The following PPP2R2B variants were observed in gnomAD, a reference collection of about 807,000 sequenced individuals.
The protein encoded by PPP2R2B is serine/threonine-protein phosphatase 2A 55 kDa regulatory subunit B beta isoform.
Under a neutral mutation model 46.0 loss-of-function variants are expected in PPP2R2B, and 5 were observed. The observed-to-expected ratio is 0.11, with a 90% CI of 0.06 to 0.23. The LOEUF (loss-of-function observed/expected upper bound fraction) is 0.23, where lower values mean the gene tolerates loss of function less well. Ranked by LOEUF, PPP2R2B falls within the 10% of genes least tolerant of loss-of-function variation. PPP2R2B has a pLI of 1.00. For synonymous variants in PPP2R2B, 215 were observed against 206.7 expected (o/e 1.04, Z -0.34); for missense variants, 367 against 575.0 (o/e 0.64, Z 3.70).
chr5:146,929,922 C>A (rs1420381316), intron 1 of PPP2R2B, among the ~76,000 whole-genome samples: 1 of 152,044 alleles, frequency 6.6e-6, no homozygotes, highest in East Asian at 1.9e-4. Flanking sequence ...AGTAAGAACT[C>A]CCACAATTTT....
intron 7 of PPP2R2B, among the ~76,000 whole-genome samples, chr5:146,620,785 G>A (rs1047091182): frequency 5.9e-5 from 9 of 152,030 alleles, no homozygotes; most frequent in African/African-American, 2.2e-4. Context: ...CTCATAATTT[G>A]TTCCCAACAG....
intron 2 of PPP2R2B, among the ~76,000 whole-genome samples, chr5:146,865,293 GACACACACACACACACACAC>G (rs36219835): frequency 6.9e-6 from 1 of 145,922 alleles, no homozygotes; most frequent in Non-Finnish European, 1.5e-5. Flanking sequence ...CTTTGTCTCT[GACACACACACACACACACAC>G]ACACACACAC....
intron 9 of PPP2R2B, 125 bp downstream of exon 9, chr5:146,592,846 G>T: frequency 2.4e-6 from 2 of 823,080 alleles, no homozygotes; most frequent in Non-Finnish European, 4.1e-6. Flanking sequence ...CCCACATTAT[G>T]CATTTCAGCC....
chr5:146,600,916 TC>T (rs1561758880), intron 7 of PPP2R2B, among the ~76,000 whole-genome samples: 1 of 152,124 alleles, frequency 6.6e-6, no homozygotes, highest in African/African-American at 2.4e-5. Context: ...GTTCTTTACC[TC>T]CCCCCAAAAA....
chr5:146,941,285 G>A (rs564622833), intron 1 of PPP2R2B, among the ~76,000 whole-genome samples: 10 of 152,176 alleles, frequency 6.6e-5, no homozygotes, highest in South Asian at 2.1e-4. Flanking sequence ...GTTGACCTTC[G>A]ATACTGAAAA....
At chr5:146,781,503 CTG>C (rs1247733343) in intron 2 of PPP2R2B, among the ~76,000 whole-genome samples, 1 of 151,604 alleles carries the variant, frequency 6.6e-6, no homozygotes, top group Non-Finnish European at 1.5e-5. Context: ...ATTTGAAAAA[CTG>C]TGGTGCTCAA....
intron 5 of PPP2R2B, among the ~76,000 whole-genome samples, chr5:146,670,511 A>ATTTAT (rs1457611120): frequency 6.6e-6 from 1 of 151,056 alleles, no homozygotes; most frequent in Non-Finnish European, 1.5e-5. Context: ...TTATTTATTT[A>ATTTAT]TTGAGACAGA....
chr5:146,911,956 G>T lies in PPP2R2B; in HGVS notation c.79+143709C>A, dbSNP rs974993077. ...AGAGTGTATATTCAGTTCCCTAAGAGGCCAGGTGCAGTGGCCCACGCCTGT... is the reference window on the plus strand; with the variant it reads ...AGAGTGTATATTCAGTTCCCTAAGATGCCAGGTGCAGTGGCCCACGCCTGT... On this transcript the variant is annotated intron_variant, in intron 1 of 8. Coordinates refer to the PPP2R2B transcript ENST00000336640. 5.9e-5 allele frequency among the ~76,000 whole-genome samples: 9 copies of T among 152,170 alleles called. No homozygotes were observed. The South Asian group carries it at 6.2e-4, about 10-fold the overall frequency.
intron 1 of PPP2R2B, among the ~76,000 whole-genome samples, chr5:146,896,435 C>A (rs773235732): frequency 1.3e-5 from 2 of 152,192 alleles, no homozygotes; most frequent in Non-Finnish European, 2.9e-5. Flanking sequence ...AATGATTCCA[C>A]TTACATTTCT....
intron 2 of PPP2R2B, among the ~76,000 whole-genome samples, chr5:147,061,125 G>T (rs181836297): frequency 1.2e-4 from 18 of 152,146 alleles, no homozygotes; most frequent in Admixed American, 5.9e-4. Flanking sequence ...TAAATGCCAG[G>T]CACTCTTCTA....
intron 7 of PPP2R2B, among the ~76,000 whole-genome samples, chr5:146,622,784 G>C (rs949220497): frequency 2.0e-5 from 3 of 152,180 alleles, no homozygotes; most frequent in Admixed American, 6.5e-5. Context: ...AGACACAAAA[G>C]TCATGGGGCA....
chr5:146,914,126 A>C (rs1319662488), intron 1 of PPP2R2B: 2 of 152,240 alleles, frequency 1.3e-5, no homozygotes, highest in African/African-American at 4.8e-5. Flanking sequence ...GCATATGTAA[A>C]TTAATTACAA....
intron 4 of PPP2R2B, among the ~76,000 whole-genome samples, chr5:146,692,793 C>A (rs1429617299): frequency 6.6e-6 from 1 of 152,046 alleles, no homozygotes; most frequent in Non-Finnish European, 1.5e-5. Flanking sequence ...CTCGGTCTCC[C>A]AAAGTGCTGG....
chr5:146,976,646 T>C (rs1367105430), intron 1 of PPP2R2B, among the ~76,000 whole-genome samples: 1 of 152,216 alleles, frequency 6.6e-6, no homozygotes, highest in East Asian at 1.9e-4. Flanking sequence ...TGTATATGTA[T>C]ATATTTCTAG....
At chr5:146,671,754 T>G (rs559010447) in intron 5 of PPP2R2B, among the ~76,000 whole-genome samples, 6 of 152,360 alleles carry the variant, frequency 3.9e-5, no homozygotes, top group African/African-American at 1.4e-4. Context: ...ACTGGCTGAA[T>G]CCCTGCCTAT....
At chr5:146,636,925 C>T (rs1394206973) in intron 7 of PPP2R2B, among the ~76,000 whole-genome samples, 1 of 152,196 alleles carries the variant, frequency 6.6e-6, no homozygotes, top group African/African-American at 2.4e-5. Context: ...CTGTTTCCCA[C>T]CTAACCAAAT....
intron 1 of PPP2R2B, among the ~76,000 whole-genome samples, chr5:146,976,539 C>T (rs1233817649): frequency 1.3e-5 from 2 of 152,036 alleles, no homozygotes; most frequent in Admixed American, 6.6e-5. Flanking sequence ...AATTTTTTCC[C>T]CAGCTGATTA....
intron 5 of PPP2R2B, among the ~76,000 whole-genome samples, chr5:146,654,534 C>T (rs1776194013): frequency 1.3e-5 from 2 of 152,198 alleles, no homozygotes; most frequent in African/African-American, 4.8e-5. Flanking sequence ...GCCTTAGAGC[C>T]TCTTCCTAGG....
chr5:146,937,988 G>A (rs747649275), intron 1 of PPP2R2B, among the ~76,000 whole-genome samples: 5 of 152,064 alleles, frequency 3.3e-5, no homozygotes, highest in African/African-American at 1.2e-4. Context: ...AAGTTGAATT[G>A]AATTTACATA....
Sources: gnomAD v4.1 joint callset for allele counts (sites outside exome capture counted in the v4.1 genomes callset) on GRCh38, gnomAD v4.1.1 for gene constraint, MANE v1.5 for transcripts, NCBI Gene and HGNC (gene_info 2026-07-23, HGNC 2026-07-21) for gene names.